SLC25A13: variants seen among roughly 807,000 people sequenced by gnomAD.
The protein encoded by SLC25A13 is electrogenic aspartate/glutamate antiporter SLC25A13, mitochondrial.
Under a neutral mutation model 85.5 loss-of-function variants are expected in SLC25A13, and 70 were observed. The ratio of observed to expected loss-of-function variants is 0.82; its 90% CI spans 0.68 to 1.00. The LOEUF is 1.00. Ranked by LOEUF, SLC25A13 falls within the 50% of genes least tolerant of loss-of-function variation. The probability of loss-of-function intolerance (pLI) is 0.00; values close to 1 mark genes in which losing one functional copy is unlikely to be tolerated. For synonymous variants in SLC25A13, 259 were observed against 288.7 expected, an observed-to-expected ratio of 0.90 and a Z score of 1.04; for missense variants, 765 against 819.8, an observed-to-expected ratio of 0.93 and a Z score of 0.82.
chr7:96,150,803 T>A (rs1450122240), intron 13 of SLC25A13, among the ~76,000 whole-genome samples: 1 of 152,148 alleles, frequency 6.6e-6, no homozygotes. Flanking sequence ...AATTTTCTGT[T>A]GTTTAAGCCA....
intron 13 of SLC25A13, among the ~76,000 whole-genome samples, chr7:96,164,711 TACACACACACAC>T (rs56377235): frequency 2.1e-5 from 3 of 143,148 alleles, no homozygotes; most frequent in South Asian, 2.3e-4. Context: ...GGATTAACTT[TACACACACACAC>T]ACACACACAC....
At chr7:96,299,016 C>A (rs1314019895) in intron 1 of SLC25A13, among the ~76,000 whole-genome samples, 2 of 152,124 alleles carry the variant, frequency 1.3e-5, no homozygotes, top group African/African-American at 4.8e-5. Flanking sequence ...GTACATAACA[C>A]TTTTTTCAAA....
intron 3 of SLC25A13, among the ~76,000 whole-genome samples, chr7:96,249,455 G>A (rs1295052980): frequency 3.9e-5 from 6 of 152,118 alleles, no homozygotes; most frequent in Non-Finnish European, 7.4e-5. Context: ...AATAACCAAA[G>A]GAGTTTATTA....
At chr7:96,135,734 A>C (rs886715058) in intron 14 of SLC25A13, among the ~76,000 whole-genome samples, 2 of 152,188 alleles carry the variant, frequency 1.3e-5, no homozygotes, top group African/African-American at 4.8e-5. Context: ...TAGAGCCTGC[A>C]TCAGCAACAC....
chr7:96,294,736 G>A (rs943372272), intron 2 of SLC25A13, among the ~76,000 whole-genome samples: 1 of 152,284 alleles, frequency 6.6e-6, no homozygotes, highest in South Asian at 2.1e-4. Flanking sequence ...GGAATGTGGT[G>A]GCACATTCAT....
intron 10 of SLC25A13, 139 bp downstream of exon 10, chr7:96,184,788 T>C: frequency 1.3e-6 from 1 of 779,148 alleles, no homozygotes; most frequent in Non-Finnish European, 2.2e-6. Flanking sequence ...ACTCTTGCCC[T>C]ACCTCACAGG....
chr7:96,143,318 C>CT (rs1792645052), intron 14 of SLC25A13, among the ~76,000 whole-genome samples: 1 of 152,194 alleles, frequency 6.6e-6, no homozygotes. Context: ...ATGGATACAA[C>CT]TTTTTTTGCT....
intron 5 of SLC25A13, among the ~76,000 whole-genome samples, chr7:96,201,628 G>A (rs572030209): frequency 6.6e-6 from 1 of 152,164 alleles, no homozygotes; most frequent in South Asian, 2.1e-4. Flanking sequence ...CCTAAGCAAG[G>A]ACCTTGTTAA....
intron 9 of SLC25A13, among the ~76,000 whole-genome samples, chr7:96,188,313 C>T (rs530683293): frequency 6.6e-6 from 1 of 152,192 alleles, no homozygotes; most frequent in African/African-American, 2.4e-5. Context: ...ACTGAGCACA[C>T]ACCCACTACT....
At chr7:96,146,944 A>G (rs1240071154) in intron 13 of SLC25A13, among the ~76,000 whole-genome samples, 1 of 152,042 alleles carries the variant, frequency 6.6e-6, no homozygotes, top group African/African-American at 2.4e-5. Context: ...ATTTCTGTTG[A>G]CCTCCCCAAG....
intron 3 of SLC25A13, among the ~76,000 whole-genome samples, chr7:96,276,839 G>A (rs1314693526): frequency 6.6e-6 from 1 of 152,096 alleles, no homozygotes; most frequent in African/African-American, 2.4e-5. Context: ...GAAAAGTAAC[G>A]TTCATAGAGC....
chr7:96,247,237 C>A (rs1797225902), intron 3 of SLC25A13, among the ~76,000 whole-genome samples: 1 of 152,112 alleles, frequency 6.6e-6, no homozygotes, highest in Non-Finnish European at 1.5e-5. Flanking sequence ...AAATAGCAAA[C>A]ATTAACATGA....
At chr7:96,226,559 A>ATTTTG (rs1236371076) in intron 4 of SLC25A13, among the ~76,000 whole-genome samples, 1 of 151,728 alleles carries the variant, frequency 6.6e-6, no homozygotes, top group East Asian at 1.9e-4. Flanking sequence ...TTTTGTCAGA[A>ATTTTG]TCTCCATAAC....
rs189770252 is a variant in SLC25A13 at position 96,289,370 on chromosome 7, C to T, written c.69+7528G>A. Reference sequence around the variant, plus strand: ...GAGCACCTCTCCTGCTCCAAAGGAACGCAGCTCCTCACCGGCAACGGAACA... The same window carrying T: ...GAGCACCTCTCCTGCTCCAAAGGAATGCAGCTCCTCACCGGCAACGGAACA... On this transcript the variant is annotated intron_variant, in intron 2 of 17. Coordinates refer to ENST00000265631, the MANE Select transcript of SLC25A13 (RefSeq NM_014251.3). Among the ~76,000 whole-genome samples the T allele has an allele frequency of 7.7e-4, 117 of 152,318 alleles. No individual in the cohort carries two copies. The East Asian group carries it at 9.1e-3, about 12-fold the overall frequency.
chr7:96,189,683 A>C lies in SLC25A13; in HGVS notation c.755-9T>G. On this transcript the variant is annotated splice_polypyrimidine_tract_variant and intron_variant, in intron 7 of 17. Transcript: ENST00000265631. Reference sequence around the variant, plus strand: ...TGCCAGAACAAACTCCTCTGTATGGAAGAAAAGTTAAAAGGGAAAGATTCA... The same window carrying C: ...TGCCAGAACAAACTCCTCTGTATGGCAGAAAAGTTAAAAGGGAAAGATTCA... 1 of 1,610,556 alleles carries C rather than the reference A, an allele frequency of 6.2e-7. No individual in the cohort carries two copies. Among genetic ancestry groups the C allele is most frequent in the Non-Finnish European group, 8.5e-7 (1 of 1,176,814 alleles).
At chr7:96,228,579 C>T (rs767292320) in intron 4 of SLC25A13, among the ~76,000 whole-genome samples, 5 of 152,212 alleles carry the variant, frequency 3.3e-5, no homozygotes, top group Non-Finnish European at 2.9e-5. Flanking sequence ...TCGCTCTAGG[C>T]GCCTCCTCGG....
intron 5 of SLC25A13, among the ~76,000 whole-genome samples, chr7:96,202,209 A>C (rs1011134575): frequency 1.1e-4 from 16 of 152,186 alleles, no homozygotes; most frequent in African/African-American, 3.9e-4. Context: ...TCTGAGGACA[A>C]GGATCCTTAC....
chr7:96,183,474 T>G (rs539369056), intron 11 of SLC25A13, among the ~76,000 whole-genome samples: 1 of 152,316 alleles, frequency 6.6e-6, no homozygotes, highest in Admixed American at 6.5e-5. Flanking sequence ...CTCTGCCAGC[T>G]TTGCCGCTGC....
At chr7:96,297,072 C>A (rs537639909) in intron 1 of SLC25A13, 121 bp from the exon 2 acceptor site, 13 of 867,588 alleles carry the variant, frequency 1.5e-5, no homozygotes, top group Non-Finnish European at 2.3e-5. Context: ...TACTTAAATA[C>A]CATGTTGCCC....
Sources: allele counts gnomAD v4.1 joint callset (sites outside exome capture counted in the v4.1 genomes callset), GRCh38; gene constraint gnomAD v4.1.1; transcripts MANE v1.5; gene names NCBI Gene and HGNC (gene_info 2026-07-23, HGNC 2026-07-21).